GABBR1: variants seen among roughly 807,000 people sequenced by gnomAD.
GABBR1 encodes gamma-aminobutyric acid type B receptor subunit 1.
In GABBR1, 35 loss-of-function variants were observed where a neutral mutation model predicts 117.7. The observed-to-expected ratio is 0.30, with a 90% CI of 0.23 to 0.39. The LOEUF (loss-of-function observed/expected upper bound fraction) is 0.39. Ranked by LOEUF, GABBR1 falls within the 10% of genes least tolerant of loss-of-function variation. The pLI, the probability that GABBR1 is intolerant of heterozygous loss-of-function variation, is 1.00. For missense variants in GABBR1, 709 were observed against 1,241.8 expected (o/e 0.57, Z 6.45); for synonymous variants, 442 against 486.6 (o/e 0.91, Z 1.21).
chr6:29,607,048 C>T lies in GABBR1; in HGVS notation c.2110-44G>A, dbSNP rs1478840535. On this transcript the variant is annotated intron_variant, in intron 17 of 22. Coordinates refer to ENST00000377034, the MANE Select transcript of GABBR1 (RefSeq NM_001470.4). This position sits in a 1 kb window ranked among gnomAD's most constrained non-coding sequence, Gnocchi z 5.0. The stretch of plus-strand genomic sequence containing the variant: ...AGAACAGGCACGTCAGGGGAAAATG[C>T]TCTGTGCCCCAGGAGCCAAGGATCT... 39 of 1,609,240 alleles carry T rather than the reference C, an allele frequency of 2.4e-5. No individual in the cohort carries two copies. Among genetic ancestry groups the T allele is most frequent in the Non-Finnish European group, 3.2e-5 (38 of 1,175,538 alleles).
At chr6:29,625,106 G>A (rs1385977417) in intron 6 of GABBR1, among the ~76,000 whole-genome samples, 1 of 152,126 alleles carries the variant, frequency 6.6e-6, no homozygotes, top group Non-Finnish European at 1.5e-5. Flanking sequence ...GGGGAGCCAG[G>A]GGAAGCTGTT....
At chr6:29,608,903 T>C (rs1041255022) in intron 15 of GABBR1, among the ~76,000 whole-genome samples, 170 bp from the exon 16 acceptor site, 2 of 152,144 alleles carry the variant, frequency 1.3e-5, no homozygotes, top group African/African-American at 4.8e-5. Flanking sequence ...AGCAATGCAG[T>C]CATGGGGCTG....
rs28383955 is a variant in GABBR1 at position 29,620,889 on chromosome 6, GTT to G, written c.1323+210_1323+211del. The stretch of plus-strand genomic sequence containing the variant: ...AACCTACTGAACATACAACTCCATC[GTT>G]TTTTTTTTTTTCTCTCTCTACCCAA... On this transcript the variant is annotated intron_variant, in intron 11 of 22. Coordinates refer to ENST00000377034, the MANE Select transcript of GABBR1 (RefSeq NM_001470.4). The surrounding 1 kb of genome is among the most constrained non-coding windows in gnomAD (Gnocchi z 4.5). 1.6e-3 allele frequency among the ~76,000 whole-genome samples: 228 copies of G among 144,810 alleles called. 1 individual carries two copies. Among genetic ancestry groups the G allele is most frequent in the African/African-American group, 5.3e-3 (208 of 39,536 alleles).
rs1762517049 is a variant in GABBR1 at position 29,611,305 on chromosome 6, T to C, written c.1631-304A>G. The C allele has an allele frequency of 6.0e-6, 2 of 332,750 alleles. No homozygotes were observed. Among genetic ancestry groups the C allele is most frequent in the Non-Finnish European group, 1.1e-5 (2 of 184,020 alleles). The allele number at this position is 332,750 out of a possible 1,614,324, so 20.6% of individuals were successfully genotyped here. ...ATTCCTCACACCTCTCTCGGCGAGA[T>C]GTCTCTCACTTTGATTTTGGCTTCT... On this transcript the variant is annotated intron_variant, in intron 13 of 22. Coordinates refer to ENST00000377034, the MANE Select transcript of GABBR1 (RefSeq NM_001470.4). The surrounding 1 kb of genome is among the most constrained non-coding windows in gnomAD (Gnocchi z 4.6).
In GABBR1 at chr6:29,632,514, C is replaced by G; in HGVS notation, c.1-129G>C. ...GCTCAGCCTGGGGACCAAGAGAGCG[C>G]CCCGCGGAGGAGGCGGGGGCGGAGC... is the stretch of plus-strand genomic sequence containing the variant. On this transcript the variant is annotated intron_variant, in intron 1 of 22. Coordinates refer to ENST00000377034, the MANE Select transcript of GABBR1 (RefSeq NM_001470.4). This position sits in a 1 kb window ranked among gnomAD's most constrained non-coding sequence, Gnocchi z 5.8. The G allele has an allele frequency of 1.0e-6, 1 of 967,928 alleles. No homozygotes were observed. Among genetic ancestry groups the G allele is most frequent in the Non-Finnish European group, 1.4e-6 (1 of 702,176 alleles). The allele number at this position is 967,928 out of a possible 1,614,324, so 60.0% of individuals were successfully genotyped here.
At chr6:29,617,621 ACT>A (rs2127422034) in intron 11 of GABBR1, among the ~76,000 whole-genome samples, 1 of 152,038 alleles carries the variant, frequency 6.6e-6, no homozygotes, top group East Asian at 1.9e-4. Context: ...TTTCTAACTG[ACT>A]CTGAGGCATT....
At position 29,606,549 on chromosome 6, in the gene GABBR1, T is replaced by C; in HGVS notation, c.2218-65A>G. The C allele has an allele frequency of 9.1e-7, 1 of 1,096,628 alleles. No homozygotes were observed. Among genetic ancestry groups the C allele is most frequent in the Non-Finnish European group, 1.4e-6 (1 of 708,948 alleles). 67.9% of individuals were successfully genotyped at this position (1,096,628 alleles called of 1,614,324 possible). ...CCTCCCCTCCTCTCCTCAACGCTTC[T>C]CAGTCTCTGGCTTCCAACTGTTTTC... is the stretch of plus-strand genomic sequence containing the variant. On this transcript the variant is annotated intron_variant, in intron 18 of 22. Coordinates refer to ENST00000377034, the MANE Select transcript of GABBR1 (RefSeq NM_001470.4). The surrounding 1 kb of genome is among the most constrained non-coding windows in gnomAD (Gnocchi z 4.5).
At chr6:29,629,155 C>G in intron 4 of GABBR1, 48 bp from the exon 5 acceptor site, 2 of 1,610,328 alleles carry the variant, frequency 1.2e-6, no homozygotes, top group Non-Finnish European at 1.7e-6. Context: ...CACTGGCGCC[C>G]AGCTTCCCTG....
Position 29,606,857 on chromosome 6 carries a change from G to T in GABBR1, c.2217+40C>A. On this transcript the variant is annotated intron_variant, in intron 18 of 22. Coordinates refer to ENST00000377034, the MANE Select transcript of GABBR1 (RefSeq NM_001470.4). The surrounding 1 kb of genome is among the most constrained non-coding windows in gnomAD (Gnocchi z 4.5). Reference sequence around the variant, plus strand: ...AGGGCCCTGATGGCCACTGAGCCCTGCTCATTCTCCTGACCATAGCACCTC... The same window carrying T: ...AGGGCCCTGATGGCCACTGAGCCCTTCTCATTCTCCTGACCATAGCACCTC... The T allele has an allele frequency of 1.3e-6, 2 of 1,560,778 alleles. No individual in the cohort carries two copies. The highest frequency in any genetic ancestry group is 1.8e-6 in the Non-Finnish European group (2 of 1,132,362).
In GABBR1 at chr6:29,621,870, G is replaced by T. The variant is rs1763787687; in HGVS notation, c.1066-53C>A. On this transcript the variant is annotated intron_variant, in intron 9 of 22. Transcript: ENST00000377034. This position sits in a 1 kb window ranked among gnomAD's most constrained non-coding sequence, Gnocchi z 5.0. ...AGGGATGCCCGGGAATGCCTGAGGG[G>T]CTAAGCCAGATGTCTTCACAGCTTT... 8 of 1,574,500 alleles carry T rather than the reference G, an allele frequency of 5.1e-6. No homozygotes were observed. Among genetic ancestry groups the T allele is most frequent in the African/African-American group, 1.4e-5 (1 of 74,064 alleles).
In GABBR1 at chr6:29,609,096, C is replaced by A. The variant is rs551012785; in HGVS notation, c.1859+133G>T. 1.1e-6 allele frequency: 1 copy of A among 879,920 alleles called. No individual in the cohort carries two copies. The allele number at this position is 879,920 out of a possible 1,614,324, so 54.5% of individuals were successfully genotyped here. A position where few individuals can be genotyped will look rare whatever the true frequency, so the allele number is the denominator to read the frequency against. On this transcript the variant is annotated intron_variant, in intron 15 of 22. Coordinates refer to ENST00000377034, the MANE Select transcript of GABBR1 (RefSeq NM_001470.4). This position sits in a 1 kb window ranked among gnomAD's most constrained non-coding sequence, Gnocchi z 4.3. ...TATATCTGGTTTCCCTGTTTTCATT[C>A]TCAACAAGTCAGAATGAAAAACTCC... is the stretch of plus-strand genomic sequence containing the variant.
intron 12 of GABBR1, among the ~76,000 whole-genome samples, chr6:29,612,963 T>A (rs1762707063): frequency 6.6e-6 from 1 of 152,230 alleles, no homozygotes; most frequent in African/African-American, 2.4e-5. Context: ...CAGACTGTTT[T>A]GTCTTTCAAA....
At position 29,623,879 on chromosome 6, in the gene GABBR1, G is replaced by A. The variant is rs1399207095; in HGVS notation, c.792+11C>T. 6.2e-7 allele frequency: 1 copy of A among 1,611,704 alleles called. No individual in the cohort carries two copies. The highest frequency in any genetic ancestry group is 1.3e-5 in the African/African-American group (1 of 74,860). ...ATGACCCCATCTTCTGACCCCCATA[G>A]CCCTGCTTACCACAATGAGGTTCCA... is the stretch of plus-strand genomic sequence containing the variant. On this transcript the variant is annotated intron_variant, in intron 7 of 22. Coordinates refer to ENST00000377034, the MANE Select transcript of GABBR1 (RefSeq NM_001470.4). The surrounding 1 kb of genome is among the most constrained non-coding windows in gnomAD (Gnocchi z 6.2).
At position 29,606,248 on chromosome 6, in the gene GABBR1, A is replaced by G. The variant is rs1461064315; in HGVS notation, c.2311+143T>C. The G allele has an allele frequency of 1.5e-6, 1 of 679,026 alleles. No individual in the cohort carries two copies. Among genetic ancestry groups the G allele is most frequent in the Non-Finnish European group, 2.7e-6 (1 of 374,930 alleles). The allele number at this position is 679,026 out of a possible 1,614,324, so 42.1% of individuals were successfully genotyped here. On this transcript the variant is annotated intron_variant, in intron 19 of 22. Transcript: ENST00000377034. This position sits in a 1 kb window ranked among gnomAD's most constrained non-coding sequence, Gnocchi z 4.5. Reference sequence around the variant, plus strand: ...CCTATTCTCAGAAAAGATTAGTGCAATAACAAAGAGTAGGGTGTTCAAACT... The same window carrying G: ...CCTATTCTCAGAAAAGATTAGTGCAGTAACAAAGAGTAGGGTGTTCAAACT...
rs1761618163 is a variant in GABBR1, at chr6:29,603,550, T to C, written c.2879A>G (p.Tyr960Cys). 1 of 1,575,422 alleles carries C rather than the reference T, an allele frequency of 6.3e-7. No individual in the cohort carries two copies. Among genetic ancestry groups the C allele is most frequent in the Non-Finnish European group, 8.6e-7 (1 of 1,161,438 alleles). ...SCDGSRVHLL[Y>C]K Reference sequence around the variant, plus strand: ...TCCTCCCTCACCCTACCCTCACTTATAAAGCAAATGCACTCGACTCCCATC... The same window carrying C: ...TCCTCCCTCACCCTACCCTCACTTACAAAGCAAATGCACTCGACTCCCATC... Residue 960 changes from tyrosine to cysteine, a missense_variant, in exon 23 of 23, where the codon TAT becomes TGT. Around this residue, in one of 9 missense-constraint regions of GABBR1, gnomAD observed 69 missense variants for 64.3 expected, o/e 1.07. Transcript: ENST00000377034.
chr6:29,613,374 G>A lies in GABBR1; in HGVS notation c.1435C>T (p.Leu479=), dbSNP rs780155570. ...CCTCCAGATGTCTTGTTCAGGGCCAGTGCCAAGGCCCAGATGGCATCATAG... is the reference window on the plus strand; with the variant it reads ...CCTCCAGATGTCTTGTTCAGGGCCAATGCCAAGGCCCAGATGGCATCATAG... ...LAYDAIWALA[L]ALNKTSGGGG... is the part of the protein sequence containing the mutation. The change falls in exon 12 of 23, where the codon CTG becomes TTG. Residue 479 remains leucine, a synonymous_variant. Coordinates refer to ENST00000377034, the MANE Select transcript of GABBR1 (RefSeq NM_001470.4). The surrounding 1 kb of genome is among the most constrained non-coding windows in gnomAD (Gnocchi z 4.1). 16 of 1,613,032 alleles carry A rather than the reference G, an allele frequency of 9.9e-6. No individual in the cohort carries two copies. The highest frequency in any genetic ancestry group is 1.7e-5 in the Admixed American group (1 of 60,014).
At position 29,627,377 on chromosome 6, in the gene GABBR1, T is replaced by C; in HGVS notation, c.657+109A>G. 1 of 1,126,240 alleles carries C rather than the reference T, an allele frequency of 8.9e-7. No individual in the cohort carries two copies. Among genetic ancestry groups the C allele is most frequent in the Admixed American group, 2.6e-5 (1 of 38,804 alleles). 69.8% of individuals were successfully genotyped at this position (1,126,240 alleles called of 1,614,324 possible). A position where few individuals can be genotyped will look rare whatever the true frequency, so the allele number is the denominator to read the frequency against. ...TCCTGCCAGTCACACAAGGGAGGGG[T>C]CTGCCTCGCAATCCCAGAGACGACT... is the stretch of plus-strand genomic sequence containing the variant. On this transcript the variant is annotated intron_variant, in intron 6 of 22. Transcript: ENST00000377034. The surrounding 1 kb of genome is among the most constrained non-coding windows in gnomAD (Gnocchi z 4.4).
In GABBR1 at chr6:29,604,375, T is replaced by A. The variant is rs1461956993; in HGVS notation, c.2712+119A>T. ...CCTTACAGGTTGTCTCCTAGGACCCTCCCTCCATGAGCCAAGAACATCTGA... is the reference window on the plus strand; with the variant it reads ...CCTTACAGGTTGTCTCCTAGGACCCACCCTCCATGAGCCAAGAACATCTGA... On this transcript the variant is annotated intron_variant, in intron 22 of 22. Transcript: ENST00000377034. The surrounding 1 kb of genome is among the most constrained non-coding windows in gnomAD (Gnocchi z 5.3). 7.9e-7 allele frequency: 1 copy of A among 1,268,662 alleles called. No homozygotes were observed. The highest frequency in any genetic ancestry group is 1.1e-6 in the Non-Finnish European group (1 of 879,204). 78.6% of individuals were successfully genotyped at this position (1,268,662 alleles called of 1,614,324 possible). A position where few individuals can be genotyped will look rare whatever the true frequency, so the allele number is the denominator to read the frequency against.
Position 29,632,664 on chromosome 6 carries a change from C to G in GABBR1, c.-1+186G>C. The stretch of plus-strand genomic sequence containing the variant: ...CTCCTCTCCCCCGGCCCCCGCGGCT[C>G]GCAGAAGCCTGGCTTACCCACGCTC... On this transcript the variant is annotated intron_variant, in intron 1 of 22. Transcript: ENST00000377034. The surrounding 1 kb of genome is among the most constrained non-coding windows in gnomAD (Gnocchi z 5.8). The G allele has an allele frequency of 6.9e-7, 1 of 1,452,272 alleles. No individual in the cohort carries two copies. The highest frequency in any genetic ancestry group is 9.1e-7 in the Non-Finnish European group (1 of 1,101,166). The allele number at this position is 1,452,272 out of a possible 1,614,324, so 90.0% of individuals were successfully genotyped here.
Sources: allele counts gnomAD v4.1 joint callset (sites outside exome capture counted in the v4.1 genomes callset), GRCh38; gene constraint gnomAD v4.1.1; regional missense constraint gnomAD v4.1.1; non-coding constraint Gnocchi (gnomAD v3.1); transcripts MANE v1.5; gene names NCBI Gene and HGNC (gene_info 2026-07-23, HGNC 2026-07-21).